Variants in VRK3 observed in about 807,000 individuals in gnomAD.
VRK3 encodes serine/threonine-protein kinase VRK3.
Under a neutral mutation model 60.4 loss-of-function variants are expected in VRK3, and 50 were observed. The observed-to-expected ratio is 0.83, with a 90% CI of 0.66 to 1.05. The LOEUF is 1.05. Ranked by LOEUF, VRK3 falls within the 50% of genes least tolerant of loss-of-function variation. The pLI is 0.00. For missense variants in VRK3, 549 were observed against 585.3 expected (o/e 0.94, Z 0.64); for synonymous variants, 246 against 227.8 (o/e 1.08, Z -0.72).
At chr19:50,011,498 G>C (rs2076993281) in intron 3 of VRK3, among the ~76,000 whole-genome samples, 1 of 152,156 alleles carries the variant, frequency 6.6e-6, no homozygotes, top group African/African-American at 2.4e-5. Context: ...TTTCCACACA[G>C]AGAAGCCACA....
chr19:50,000,703 C>A, intron 6 of VRK3, 87 bp downstream of exon 6: 1 of 1,492,436 alleles, frequency 6.7e-7, no homozygotes, highest in Admixed American at 2.0e-5. Context: ...CCGAGCTCTC[C>A]CAGCTGACAG....
chr19:50,000,087 C>T (rs921081492), intron 6 of VRK3: 5 of 152,306 alleles, frequency 3.3e-5, no homozygotes, highest in African/African-American at 1.2e-4. Flanking sequence ...GGGCAACTGA[C>T]CCAGCTGTCC....
At chr19:49,984,311 A>G (rs1332736681) in intron 12 of VRK3, among the ~76,000 whole-genome samples, 1 of 152,100 alleles carries the variant, frequency 6.6e-6, no homozygotes, top group Non-Finnish European at 1.5e-5. Flanking sequence ...GAGGGTTCAG[A>G]GCTGTGCTGT....
At chr19:50,006,818 T>G (rs1010433314) in intron 5 of VRK3, among the ~76,000 whole-genome samples, 2 of 152,354 alleles carry the variant, frequency 1.3e-5, no homozygotes, top group East Asian at 1.9e-4. Context: ...TTAATACTAA[T>G]ACTACTGCCA....
At position 49,994,902 on chromosome 19, in the gene VRK3, C is replaced by A. The variant is rs1322965601; in HGVS notation, c.782G>T (p.Ser261Ile). 1.9e-6 allele frequency: 3 copies of A among 1,614,032 alleles called. No homozygotes were observed. The highest frequency in any genetic ancestry group is 2.7e-5 in the African/African-American group (2 of 75,010). Residue 261 changes from serine (S) to isoleucine (I), a missense_variant, in exon 9 of 15, where the codon AGC becomes ATC. Transcript: ENST00000316763. ...GGCCGACTGAAGGCTCCTCCCCAGG[C>A]TGGGTAACACCAAGAACCTGGAAGA... ...QDKYRFLVLP[S>I]LGRSLQSALD...
chr19:49,984,192 C>G (rs2076473629), intron 12 of VRK3, among the ~76,000 whole-genome samples: 1 of 152,130 alleles, frequency 6.6e-6, no homozygotes, highest in African/African-American at 2.4e-5. Context: ...GCCTTGGAGA[C>G]CAGTTTCCCT....
At chr19:49,981,216 C>CCT in intron 12 of VRK3, 1 of 605,932 alleles carries the variant, frequency 1.7e-6, no homozygotes, top group Non-Finnish European at 3.0e-6. Context: ...GCACTGCTTC[C>CCT]TGCAAGCCTC....
At chr19:49,992,118 T>C (rs986825937) in intron 10 of VRK3, among the ~76,000 whole-genome samples, 6 of 152,138 alleles carry the variant, frequency 3.9e-5, no homozygotes, top group Non-Finnish European at 7.3e-5. Flanking sequence ...AAAAAACAGG[T>C]GCATTTTGGC....
Position 49,988,494 on chromosome 19 carries a change from TG to T in VRK3, c.1097-3del, listed in dbSNP as rs2076555613. The T allele has an allele frequency of 1.9e-6, 3 of 1,612,310 alleles. No homozygotes were observed. The highest frequency in any genetic ancestry group is 2.5e-6 in the Non-Finnish European group (3 of 1,179,112). On this transcript the variant is annotated splice_region_variant and splice_polypyrimidine_tract_variant and intron_variant, in intron 11 of 14. Coordinates refer to ENST00000316763, the MANE Select transcript of VRK3 (RefSeq NM_016440.4). ...GGAGGTCGCTGCGGCGGGAGGGCCC[TG>T]GGGAAGGAGGAGTAAAGGTGGCAGC...
intron 12 of VRK3, 190 bp downstream of exon 12, chr19:49,988,182 T>C: frequency 2.6e-6 from 2 of 760,320 alleles, no homozygotes; most frequent in Non-Finnish European, 3.8e-6. Flanking sequence ...GCCCAGGCAG[T>C]GTGGCTCCGG....
intron 6 of VRK3, 163 bp from the exon 7 acceptor site, chr19:49,997,733 G>T: frequency 1.5e-6 from 1 of 648,420 alleles, no homozygotes; most frequent in Non-Finnish European, 2.6e-6. Flanking sequence ...ACACATCAGA[G>T]ACTGCGAGCT....
At chr19:49,980,327 G>A (rs1314650775) in intron 13 of VRK3, among the ~76,000 whole-genome samples, 2 of 152,172 alleles carry the variant, frequency 1.3e-5, no homozygotes, top group East Asian at 3.8e-4. Flanking sequence ...AAAAGCTGTG[G>A]TGCATCTATA....
intron 12 of VRK3, chr19:49,987,987 C>T (rs1356574236): frequency 1.8e-5 from 3 of 164,754 alleles, no homozygotes; most frequent in Non-Finnish European, 2.7e-5. Context: ...CAGGCGTGAG[C>T]CACCGCGCCC....
intron 9 of VRK3, 116 bp downstream of exon 9, chr19:49,994,698 C>A: frequency 1.1e-6 from 1 of 929,500 alleles, no homozygotes; most frequent in South Asian, 1.6e-5. Flanking sequence ...GAGCCAGCCC[C>A]CAGTGTGCAG....
In VRK3 at chr19:50,016,171, A is replaced by G; in HGVS notation, c.-1-8T>C. 6.2e-7 allele frequency: 1 copy of G among 1,613,882 alleles called. No homozygotes were observed. ...GGACAGAAGGAGATCATGCTACAAA[A>G]CAGAATGAACAAACACAAAGTGAAA... On this transcript the variant is annotated splice_region_variant and splice_polypyrimidine_tract_variant and intron_variant, in intron 2 of 14. Transcript: ENST00000316763.
intron 3 of VRK3, among the ~76,000 whole-genome samples, chr19:50,012,097 G>C (rs1043304322): frequency 6.6e-6 from 1 of 151,536 alleles, no homozygotes; most frequent in Admixed American, 6.6e-5. Flanking sequence ...TCAGCCTCCC[G>C]AGTAGCTGGG....
chr19:49,982,083 C>A (rs1405707222), intron 12 of VRK3: 2 of 701,010 alleles, frequency 2.9e-6, no homozygotes, highest in Non-Finnish European at 5.2e-6. Flanking sequence ...GTCAACCACA[C>A]GGAGGAACTG....
At chr19:49,980,218 C>T (rs1358491952) in intron 13 of VRK3, among the ~76,000 whole-genome samples, 2 of 152,024 alleles carry the variant, frequency 1.3e-5, no homozygotes, top group African/African-American at 2.4e-5. Context: ...AAAACAAACA[C>T]CCCCGACACC....
intron 1 of VRK3, among the ~76,000 whole-genome samples, 160 bp from the exon 2 acceptor site, chr19:50,020,807 C>G (rs1479123117): frequency 6.6e-6 from 1 of 152,204 alleles, no homozygotes; most frequent in Non-Finnish European, 1.5e-5. Context: ...CCTGTTTATG[C>G]CAGCCACTAG....
Sources: gnomAD v4.1 joint callset for allele counts (sites outside exome capture counted in the v4.1 genomes callset) on GRCh38, gnomAD v4.1.1 for gene constraint, MANE v1.5 for transcripts, NCBI Gene and HGNC (gene_info 2026-07-23, HGNC 2026-07-21) for gene names.